The following PGAP4 variants were observed in gnomAD, a reference collection of about 807,000 sequenced individuals.
The protein encoded by PGAP4 is post-GPI attachment to proteins GalNAc transferase 4.
PGAP4 carries 12 observed loss-of-function variants against 28.2 expected under a neutral mutation model. The ratio of observed to expected loss-of-function variants is 0.42; its 90% CI spans 0.27 to 0.69. The LOEUF (loss-of-function observed/expected upper bound fraction) is 0.69, where lower values mean the gene tolerates loss of function less well. PGAP4 is among the 30% of genes least tolerant of loss of function. PGAP4 has a pLI of 0.22. For synonymous variants in PGAP4, 205 were observed against 211.8 expected (o/e 0.97, Z 0.28); for missense variants, 425 against 513.5 (o/e 0.83, Z 1.67).
In PGAP4 at chr9:101,493,496, T is replaced by C. The variant is rs143587401; in HGVS notation, c.-164-4296A>G. Reference sequence around the variant, plus strand: ...TACTCCATGAATATGTAAAATATTTTTTTTCAGTTTAACTAATAGATACTA... The same window carrying C: ...TACTCCATGAATATGTAAAATATTTCTTTTCAGTTTAACTAATAGATACTA... On this transcript the variant is annotated intron_variant, in intron 2 of 3. Coordinates refer to the PGAP4 transcript ENST00000374851. Among the ~76,000 whole-genome samples the C allele has an allele frequency of 2.0e-4, 31 of 152,278 alleles. 1 individual carries two copies. In the East Asian group the frequency reaches 4.6e-3, roughly 23 times the overall value.
In PGAP4 at chr9:101,477,176, A is replaced by G; in HGVS notation, c.-77-7T>C. On this transcript the variant is annotated splice_polypyrimidine_tract_variant and splice_region_variant and intron_variant, in intron 1 of 1. Transcript: ENST00000374848. The stretch of plus-strand genomic sequence containing the variant: ...GAGTCATCAGAAATCAAACCTAAAG[A>G]GAGAGGAAGTAGGGAATGGTAAGAG... The G allele has an allele frequency of 2.0e-6, 3 of 1,467,460 alleles. No homozygotes were observed. Among genetic ancestry groups the G allele is most frequent in the Admixed American group, 2.8e-5 (1 of 35,308 alleles). 90.9% of individuals were successfully genotyped at this position (1,467,460 alleles called of 1,614,324 possible). A position where few individuals can be genotyped will look rare whatever the true frequency, so the allele number is the denominator to read the frequency against.
In PGAP4 at chr9:101,486,198, C is replaced by T. The variant is rs1486637799; in HGVS notation, c.-78+751G>A. On this transcript the variant is annotated intron_variant, in intron 1 of 1. Transcript: ENST00000374848. This position sits in a 1 kb window ranked among gnomAD's most constrained non-coding sequence, Gnocchi z 4.7. The stretch of plus-strand genomic sequence containing the variant: ...CAGGTGGATCTAATTAACCCTCCCT[C>T]TTGGAAAAAGAATGGGGGACGATGT... Among the ~76,000 whole-genome samples the T allele has an allele frequency of 6.6e-6, 1 of 152,198 alleles. No individual in the cohort carries two copies. Among genetic ancestry groups the T allele is most frequent in the Non-Finnish European group, 1.5e-5 (1 of 68,042 alleles).
chr9:101,495,023 C>A (rs977824216), intron 2 of PGAP4, among the ~76,000 whole-genome samples: 1 of 145,896 alleles, frequency 6.9e-6, no homozygotes, highest in South Asian at 2.1e-4. Flanking sequence ...ATTTTTGGAA[C>A]ATTTATATCA....
chr9:101,523,619 CTT>C (rs71356369), intron 2 of PGAP4, among the ~76,000 whole-genome samples: 46 of 59,312 alleles, frequency 7.8e-4, no homozygotes, highest in African/African-American at 3.2e-3. Context: ...CTTCTTGTAT[CTT>C]TTTTTTTTTT....
At chr9:101,508,466 A>G (rs1826868301) in intron 2 of PGAP4, among the ~76,000 whole-genome samples, 2 of 152,150 alleles carry the variant, frequency 1.3e-5, no homozygotes, top group African/African-American at 4.8e-5. Context: ...GATTGCTATC[A>G]TAACAAAGAG....
At position 101,475,496 on chromosome 9, in the gene PGAP4, A is replaced by C. The variant is rs887160199; in HGVS notation, c.*385T>G. The stretch of plus-strand genomic sequence containing the variant: ...AATTCCAAAGGATCTCACCTTTCAC[A>C]AAATTCTACCCTTAAGATCCTAAAA... On this transcript the variant is annotated 3_prime_UTR_variant, in exon 2 of 2. Coordinates refer to ENST00000374848, the MANE Select transcript of PGAP4 (RefSeq NM_032342.3). 2.4e-5 allele frequency: 5 copies of C among 208,022 alleles called. No homozygotes were observed. Among genetic ancestry groups the C allele is most frequent in the African/African-American group, 1.1e-4 (5 of 43,566 alleles). The allele number at this position is 208,022 out of a possible 1,614,324, so 12.9% of individuals were successfully genotyped here. A position where few individuals can be genotyped will look rare whatever the true frequency, so the allele number is the denominator to read the frequency against.
At chr9:101,524,631 G>C (rs532426975) in intron 2 of PGAP4, among the ~76,000 whole-genome samples, 2 of 152,224 alleles carry the variant, frequency 1.3e-5, no homozygotes, top group African/African-American at 2.4e-5. Context: ...GGGGGACCCC[G>C]TGAGCTCCCA....
intron 2 of PGAP4, among the ~76,000 whole-genome samples, chr9:101,506,425 G>A (rs1387580507): frequency 6.6e-6 from 1 of 151,912 alleles, no homozygotes. Context: ...GTGACTCAAG[G>A]CCCTTTTCTG....
chr9:101,533,135 A>C (rs1319789218), exon 1 of PGAP4: 1 of 152,224 alleles, frequency 6.6e-6, no homozygotes, highest in Non-Finnish European at 1.5e-5. Flanking sequence ...AAAATAGACT[A>C]GTACTGAGAT....
intron 2 of PGAP4, among the ~76,000 whole-genome samples, chr9:101,513,241 A>T (rs1201315895): frequency 1.3e-5 from 2 of 152,186 alleles, no homozygotes; most frequent in African/African-American, 4.8e-5. Flanking sequence ...GCAATTGCTC[A>T]TAAACCTAAA....
At chr9:101,506,664 T>C (rs1426343982) in intron 2 of PGAP4, among the ~76,000 whole-genome samples, 1 of 152,004 alleles carries the variant, frequency 6.6e-6, no homozygotes, top group Non-Finnish European at 1.5e-5. Flanking sequence ...CTCAGTGGCA[T>C]ATTGGCCATG....
At chr9:101,499,037 C>T (rs1214996353) in intron 2 of PGAP4, among the ~76,000 whole-genome samples, 1 of 151,902 alleles carries the variant, frequency 6.6e-6, no homozygotes, top group East Asian at 1.9e-4. Flanking sequence ...AGAAGACATG[C>T]CTCACAGACC....
At position 101,474,893 on chromosome 9, in the gene PGAP4, C is replaced by T. The variant is rs906600515; in HGVS notation, c.*988G>A. Reference sequence around the variant, plus strand: ...TTTTACAGGTGAAGAAATTGAGACCCAGAGTGATTATATGACCTGCCCAAG... The same window carrying T: ...TTTTACAGGTGAAGAAATTGAGACCTAGAGTGATTATATGACCTGCCCAAG... On this transcript the variant is annotated 3_prime_UTR_variant, in exon 2 of 2. Transcript: ENST00000374848. 6.6e-6 allele frequency: 1 copy of T among 151,828 alleles called. No individual in the cohort carries two copies. Among genetic ancestry groups the T allele is most frequent in the African/African-American group, 2.4e-5 (1 of 41,276 alleles). The allele number at this position is 151,828 out of a possible 1,614,324, so 9.4% of individuals were successfully genotyped here.
In PGAP4 at chr9:101,486,461, G is replaced by A. The variant is rs1432091487; in HGVS notation, c.-78+488C>T. 6.6e-6 allele frequency among the ~76,000 whole-genome samples: 1 copy of A among 152,198 alleles called. No homozygotes were observed. Among genetic ancestry groups the A allele is most frequent in the South Asian group, 2.1e-4 (1 of 4,834 alleles). ...TGCTGCCGCGCTCTCGGCGCGCCCGGCGAACCTAAGGTGTGGACGCGCCGC... is the reference window on the plus strand; with the variant it reads ...TGCTGCCGCGCTCTCGGCGCGCCCGACGAACCTAAGGTGTGGACGCGCCGC... On this transcript the variant is annotated intron_variant, in intron 1 of 1. Coordinates refer to ENST00000374848, the MANE Select transcript of PGAP4 (RefSeq NM_032342.3). The surrounding 1 kb of genome is among the most constrained non-coding windows in gnomAD (Gnocchi z 4.7).
chr9:101,499,590 C>G (rs1021631229), intron 2 of PGAP4, among the ~76,000 whole-genome samples: 4 of 151,942 alleles, frequency 2.6e-5, no homozygotes, highest in Non-Finnish European at 4.4e-5. Flanking sequence ...AAGCGCAACA[C>G]CATTTTGAGG....
rs1013201005 is a variant in PGAP4 at position 101,496,474 on chromosome 9, T to C, written c.-164-7274A>G. ...GCAAATTAATATTTTAAGAAAACGT[T>C]ATTGTTTCAATGTAGAAGACCATAA... On this transcript the variant is annotated intron_variant, in intron 2 of 3. Transcript: ENST00000374851. 4.6e-5 allele frequency among the ~76,000 whole-genome samples: 7 copies of C among 151,532 alleles called. No individual in the cohort carries two copies. The Admixed American group carries it at 4.6e-4, about 10-fold the overall frequency.
At chr9:101,508,435 T>G (rs1325026878) in intron 2 of PGAP4, among the ~76,000 whole-genome samples, 1 of 152,132 alleles carries the variant, frequency 6.6e-6, no homozygotes, top group African/African-American at 2.4e-5. Flanking sequence ...AGTTCCTTAC[T>G]GCTATACTGC....
At chr9:101,530,109 TAGAAA>T (rs1827074502) in intron 2 of PGAP4, among the ~76,000 whole-genome samples, 1 of 152,242 alleles carries the variant, frequency 6.6e-6, no homozygotes, top group African/African-American at 2.4e-5. Context: ...TAAAGCAGTG[TAGAAA>T]AAAACAATAA....
intron 2 of PGAP4, among the ~76,000 whole-genome samples, chr9:101,504,209 G>GTTTTTTTTTTTTTTT (rs3081858): frequency 1.8e-4 from 4 of 22,710 alleles, no homozygotes; most frequent in Non-Finnish European, 3.2e-4. Flanking sequence ...GTGTGTGTTT[G>GTTTTTTTTTTTTTTT]TTTTTTTTTT....
Sources: allele counts gnomAD v4.1 joint callset (sites outside exome capture counted in the v4.1 genomes callset), GRCh38; gene constraint gnomAD v4.1.1; non-coding constraint Gnocchi (gnomAD v3.1); transcripts MANE v1.5; gene names NCBI Gene and HGNC (gene_info 2026-07-23, HGNC 2026-07-21).